Variants in TDRD3 observed in about 807,000 individuals in gnomAD.
TDRD3 encodes the protein tudor domain containing 3.
A neutral mutation model predicts 86.7 loss-of-function variants in TDRD3; 45 were observed. That is an observed-to-expected ratio of 0.52 (90% CI 0.41 to 0.67). TDRD3 has a LOEUF of 0.67. Among genes scored for constraint, TDRD3 ranks in the 30% least tolerant of loss-of-function variants. TDRD3 has a pLI of 0.00. For missense variants in TDRD3, 814 were observed against 889.0 expected, an observed-to-expected ratio of 0.92 and a Z score of 1.07; for synonymous variants, 298 against 301.7, an observed-to-expected ratio of 0.99 and a Z score of 0.13.
rs535982135 is a variant in TDRD3, at chr13:60,476,411, T to C, written c.496-7364T>C. ...TTCCATTGGTCCGTGAGTCTGTTTTTGTACCCAGTACTCATTGTTATATTT... is the reference window on the plus strand; with the variant it reads ...TTCCATTGGTCCGTGAGTCTGTTTTCGTACCCAGTACTCATTGTTATATTT... On this transcript the variant is annotated intron_variant, in intron 5 of 13. Transcript: ENST00000377881. 9.2e-5 allele frequency among the ~76,000 whole-genome samples: 14 copies of C among 152,254 alleles called. No homozygotes were observed. In the South Asian group the frequency reaches 2.1e-3, roughly 23 times the overall value.
chr13:60,416,012 T>A (rs1242360732), intron 1 of TDRD3, among the ~76,000 whole-genome samples: 1 of 152,200 alleles, frequency 6.6e-6, no homozygotes, highest in African/African-American at 2.4e-5. Flanking sequence ...TTAATAATGT[T>A]TATTAGTGTT....
At chr13:60,443,974 G>A (rs146975776) in intron 2 of TDRD3, among the ~76,000 whole-genome samples, 199 of 151,942 alleles carry the variant, frequency 1.3e-3, no homozygotes, top group African/African-American at 4.6e-3. Context: ...GGACACAGTC[G>A]TAAAATATTC....
rs1047917176 is a variant in TDRD3, at chr13:60,522,281, A to G, written c.1142-6086A>G. On this transcript the variant is annotated intron_variant, in intron 10 of 13. Transcript: ENST00000377881. ...CTGCCCTGTTTTCATTAAGAATCAA[A>G]TAAAAACAAATAAACAAGAAAACTA... Among the ~76,000 whole-genome samples the G allele has an allele frequency of 8.5e-5, 13 of 152,292 alleles. No homozygotes were observed. The South Asian group carries it at 2.5e-3, about 29-fold the overall frequency.
intron 13 of TDRD3, among the ~76,000 whole-genome samples, chr13:60,572,985 C>T (rs1334935092): frequency 6.6e-6 from 1 of 152,302 alleles, no homozygotes; most frequent in Middle Eastern, 3.4e-3. Context: ...CCAAGACTTA[C>T]GAGCTGTTTG....
intron 1 of TDRD3, among the ~76,000 whole-genome samples, chr13:60,409,595 A>G (rs151011045): frequency 2.6e-5 from 4 of 152,280 alleles, no homozygotes; most frequent in Admixed American, 1.3e-4. Context: ...CTGTCCCACT[A>G]GATTTCAGAC....
Position 60,567,563 on chromosome 13 carries a change from T to A in TDRD3, c.2157T>A (p.Arg719=). ...EGTYDQTLEF[R]RGGDGQPRRS... is the part of the protein sequence containing the mutation. ...CCTACGATCAAACTCTGGAGTTCCG[T>A]AGGGGAGGTGATGGCCAGCCAAGAC... The change falls in exon 13 of 14, where the codon CGT becomes CGA. Residue 719 remains arginine, a synonymous_variant. Coordinates refer to ENST00000377881, the MANE Select transcript of TDRD3 (RefSeq NM_001146070.2). 6.2e-7 allele frequency: 1 copy of A among 1,614,140 alleles called. No individual in the cohort carries two copies. Among genetic ancestry groups the A allele is most frequent in the Non-Finnish European group, 8.5e-7 (1 of 1,180,028 alleles).
chr13:60,482,916 CA>C (rs919927090), intron 5 of TDRD3, among the ~76,000 whole-genome samples: 1 of 151,072 alleles, frequency 6.6e-6, no homozygotes, highest in African/African-American at 2.4e-5. Context: ...TTAAAATGCA[CA>C]AAAAGTTTAA....
At chr13:60,547,278 T>C in intron 12 of TDRD3, 1 of 985,414 alleles carries the variant, frequency 1.0e-6, no homozygotes, top group Non-Finnish European at 1.2e-6. Context: ...TGCTTTATCC[T>C]GAAAGGATTT....
intron 10 of TDRD3, among the ~76,000 whole-genome samples, chr13:60,521,796 C>T (rs938051550): frequency 4.6e-5 from 7 of 152,108 alleles, no homozygotes; most frequent in African/African-American, 1.7e-4. Flanking sequence ...ACTCAGGAGG[C>T]TGAGGCAGGA....
intron 12 of TDRD3, among the ~76,000 whole-genome samples, chr13:60,538,291 C>T (rs550135606): frequency 2.6e-5 from 4 of 151,072 alleles, no homozygotes; most frequent in East Asian, 1.9e-4. Flanking sequence ...AATTGTGTTT[C>T]GATTATGATT....
At chr13:60,462,719 T>C (rs1030644682) in intron 4 of TDRD3, among the ~76,000 whole-genome samples, 1 of 152,124 alleles carries the variant, frequency 6.6e-6, no homozygotes, top group Non-Finnish European at 1.5e-5. Flanking sequence ...AAGGAACCTT[T>C]GGGTGCCAAT....
intron 10 of TDRD3, among the ~76,000 whole-genome samples, chr13:60,524,203 T>C (rs1957354496): frequency 6.6e-6 from 1 of 152,054 alleles, no homozygotes; most frequent in Non-Finnish European, 1.5e-5. Flanking sequence ...GATATATTTC[T>C]TAGTTTATTT....
intron 1 of TDRD3, among the ~76,000 whole-genome samples, chr13:60,423,815 T>C (rs565926728): frequency 7.9e-5 from 12 of 152,190 alleles, no homozygotes; most frequent in Admixed American, 7.8e-4. Flanking sequence ...GGAAAATTTA[T>C]TTTACTGCTT....
At chr13:60,446,989 AGGAC>A (rs1487223997) in intron 3 of TDRD3, among the ~76,000 whole-genome samples, 3 of 152,354 alleles carry the variant, frequency 2.0e-5, no homozygotes, top group African/African-American at 7.2e-5. Flanking sequence ...CATAAGATAC[AGGAC>A]AACAGTTGGC....
chr13:60,459,809 C>T (rs996163278), intron 3 of TDRD3, among the ~76,000 whole-genome samples: 7 of 152,000 alleles, frequency 4.6e-5, no homozygotes, highest in Admixed American at 2.0e-4. Flanking sequence ...TTAGTAGAGA[C>T]GGGGATTCAC....
rs183177100 is a variant in TDRD3, at chr13:60,508,548, G to A, written c.859-1215G>A. Among the ~76,000 whole-genome samples, 757 of 152,206 alleles carry A rather than the reference G, an allele frequency of 5.0e-3. 3 individuals carry two copies. Among genetic ancestry groups the A allele is most frequent in the Middle Eastern group, 0.024 (7 of 294 alleles). On this transcript the variant is annotated intron_variant, in intron 8 of 13. Transcript: ENST00000377881. Reference sequence around the variant, plus strand: ...ATTTCCTATTTAATAAATTTTGCTGGGAAAACTGGCTAGCCATATGCAGAA... The same window carrying A: ...ATTTCCTATTTAATAAATTTTGCTGAGAAAACTGGCTAGCCATATGCAGAA...
chr13:60,424,667 A>G (rs1056228201), intron 1 of TDRD3, among the ~76,000 whole-genome samples: 1 of 152,094 alleles, frequency 6.6e-6, no homozygotes, highest in African/African-American at 2.4e-5. Flanking sequence ...ACAGAAGGCA[A>G]CTCTGTCTGA....
intron 8 of TDRD3, 29 bp downstream of exon 8, chr13:60,494,604 A>T: frequency 6.3e-7 from 1 of 1,597,402 alleles, no homozygotes; most frequent in Non-Finnish European, 8.5e-7. Context: ...CCACAAATTT[A>T]AAGTGTTATT....
intron 1 of TDRD3, among the ~76,000 whole-genome samples, chr13:60,400,871 A>G (rs1026860275): frequency 1.3e-5 from 2 of 152,214 alleles, no homozygotes; most frequent in African/African-American, 4.8e-5. Context: ...AACCAAGAAT[A>G]GAGCCCAGAT....
Sources: allele counts gnomAD v4.1 joint callset (sites outside exome capture counted in the v4.1 genomes callset), GRCh38; gene constraint gnomAD v4.1.1; transcripts MANE v1.5; gene names NCBI Gene and HGNC (gene_info 2026-07-23, HGNC 2026-07-21).